AGPAT4: variants seen among roughly 807,000 people sequenced by gnomAD.
AGPAT4 encodes 1-acyl-sn-glycerol-3-phosphate acyltransferase delta.
Under a neutral mutation model 48.0 loss-of-function variants are expected in AGPAT4, and 15 were observed. That is an observed-to-expected ratio of 0.31 (90% CI 0.21 to 0.48). The LOEUF is 0.48. AGPAT4 is among the 20% of genes least tolerant of loss of function. The pLI is 0.99. For missense variants in AGPAT4, 314 were observed against 482.5 expected (o/e 0.65, Z 3.27); for synonymous variants, 178 against 198.7 (o/e 0.90, Z 0.88).
rs904767053 is a variant in AGPAT4 at position 161,133,556 on chromosome 6, C to T, written c.*2984G>A. On this transcript the variant is annotated 3_prime_UTR_variant, in exon 9 of 9. Transcript: ENST00000320285. ...GCAGAATCAGTCCAGTCCCCCAGACCTCAAGCTGCATCTTCCAAATGGTTG... is the reference window on the plus strand; with the variant it reads ...GCAGAATCAGTCCAGTCCCCCAGACTTCAAGCTGCATCTTCCAAATGGTTG... The T allele has an allele frequency of 2.0e-5, 3 of 152,180 alleles. No homozygotes were observed. The highest frequency in any genetic ancestry group is 7.2e-5 in the African/African-American group (3 of 41,440). The allele number at this position is 152,180 out of a possible 1,614,324, so 9.4% of individuals were successfully genotyped here. A position where few individuals can be genotyped will look rare whatever the true frequency, so the allele number is the denominator to read the frequency against.
rs1340978167 is a variant in AGPAT4 at position 161,134,252 on chromosome 6, G to C, written c.*2288C>G. On this transcript the variant is annotated 3_prime_UTR_variant, in exon 9 of 9. Transcript: ENST00000320285. Reference sequence around the variant, plus strand: ...TGCATTCCTCCAGCCTGGAACCCAAGGCCCTAGCAGGCAGGCTGTTTGCTT... The same window carrying C: ...TGCATTCCTCCAGCCTGGAACCCAACGCCCTAGCAGGCAGGCTGTTTGCTT... 6.6e-6 allele frequency: 1 copy of C among 152,186 alleles called. No individual in the cohort carries two copies. Among genetic ancestry groups the C allele is most frequent in the Non-Finnish European group, 1.5e-5 (1 of 68,044 alleles). 9.4% of individuals were successfully genotyped at this position (152,186 alleles called of 1,614,324 possible).
chr6:161,244,972 G>A lies in AGPAT4; in HGVS notation c.-89-12670C>T, dbSNP rs951961370. On this transcript the variant is annotated intron_variant, in intron 1 of 8. Transcript: ENST00000320285. This position sits in a 1 kb window ranked among gnomAD's most constrained non-coding sequence, Gnocchi z 4.7. ...GATAGCAACCAGAGCCAAAGGCCAC[G>A]TAGCAAAACACGTGGGCATGAGAAC... is the stretch of plus-strand genomic sequence containing the variant. Among the ~76,000 whole-genome samples, 1 of 152,198 alleles carries A rather than the reference G, an allele frequency of 6.6e-6. No homozygotes were observed. The highest frequency in any genetic ancestry group is 2.4e-5 in the African/African-American group (1 of 41,460).
chr6:161,192,142 C>CTTTTTTTTTTTTTTTTTTTT (rs573872820), intron 2 of AGPAT4, among the ~76,000 whole-genome samples: 1 of 45,612 alleles, frequency 2.2e-5, no homozygotes, highest in Admixed American at 4.0e-4. Context: ...AGAAGTTATA[C>CTTTTTTTTTTTTTTTTTTTT]TTTTTTTTTT....
chr6:161,173,864 G>A (rs1227987887), intron 2 of AGPAT4, among the ~76,000 whole-genome samples: 2 of 152,154 alleles, frequency 1.3e-5, no homozygotes, highest in Admixed American at 6.5e-5. Context: ...TTCTACATAT[G>A]GCTAGCCAGT....
At position 161,216,791 on chromosome 6, in the gene AGPAT4, C is replaced by T. The variant is rs536837411; in HGVS notation, c.178+15245G>A. Reference sequence around the variant, plus strand: ...GATAAACCCATCAGATCTCGTGAGACTTACTATCACGAGACTAGCACGAGA... The same window carrying T: ...GATAAACCCATCAGATCTCGTGAGATTTACTATCACGAGACTAGCACGAGA... On this transcript the variant is annotated intron_variant, in intron 2 of 8. Transcript: ENST00000320285. This position sits in a 1 kb window ranked among gnomAD's most constrained non-coding sequence, Gnocchi z 4.8. 6.6e-6 allele frequency among the ~76,000 whole-genome samples: 1 copy of T among 152,252 alleles called. No individual in the cohort carries two copies. Among genetic ancestry groups the T allele is most frequent in the African/African-American group, 2.4e-5 (1 of 41,546 alleles).
Position 161,197,838 on chromosome 6 carries a change from GTCA to G in AGPAT4, c.179-31424_179-31422del, listed in dbSNP as rs1781113226. On this transcript the variant is annotated intron_variant, in intron 2 of 8. Transcript: ENST00000320285. This position sits in a 1 kb window ranked among gnomAD's most constrained non-coding sequence, Gnocchi z 5.7. ...TACTTACGTGGACTCTAGAGGAAAT[GTCA>G]TCATCAATAAATACCCACTGCTGAT... Among the ~76,000 whole-genome samples, 1 of 152,192 alleles carries G rather than the reference GTCA, an allele frequency of 6.6e-6. No homozygotes were observed. Among genetic ancestry groups the G allele is most frequent in the African/African-American group, 2.4e-5 (1 of 41,448 alleles).
chr6:161,167,503 C>T (rs968702745), intron 2 of AGPAT4, among the ~76,000 whole-genome samples: 5 of 152,166 alleles, frequency 3.3e-5, no homozygotes, highest in African/African-American at 4.8e-5. Flanking sequence ...GGATTACAGG[C>T]GTGAGCCACT....
intron 2 of AGPAT4, among the ~76,000 whole-genome samples, chr6:161,227,823 T>C (rs1193769324): frequency 1.3e-5 from 2 of 152,226 alleles, no homozygotes; most frequent in East Asian, 1.9e-4. Flanking sequence ...CTCTCCTTTT[T>C]TGAGCGTTAC....
At position 161,196,196 on chromosome 6, in the gene AGPAT4, C is replaced by A. The variant is rs575718587; in HGVS notation, c.179-29779G>T. ...GGACCTAGTAAGTTAAGGCATCAGA[C>A]ACTGAGTGGTGACACTTTACCAAAG... On this transcript the variant is annotated intron_variant, in intron 2 of 8. Transcript: ENST00000320285. This position sits in a 1 kb window ranked among gnomAD's most constrained non-coding sequence, Gnocchi z 4.3. Among the ~76,000 whole-genome samples the A allele has an allele frequency of 6.6e-6, 1 of 152,310 alleles. No individual in the cohort carries two copies. Among genetic ancestry groups the A allele is most frequent in the African/African-American group, 2.4e-5 (1 of 41,574 alleles).
At chr6:161,194,202 GTAATATTTTGAATACATTATGT>G (rs1295491829) in intron 2 of AGPAT4, among the ~76,000 whole-genome samples, 1 of 152,098 alleles carries the variant, frequency 6.6e-6, no homozygotes, top group Non-Finnish European at 1.5e-5. Context: ...TTTTGAACTG[GTAATATTTTGAATACATTATGT>G]TAATCAGATA....
rs1781079010 is a variant in AGPAT4, at chr6:161,196,807, TC to T, written c.179-30391del. On this transcript the variant is annotated intron_variant, in intron 2 of 8. Transcript: ENST00000320285. This position sits in a 1 kb window ranked among gnomAD's most constrained non-coding sequence, Gnocchi z 4.3. ...CTAGGCAACAGAGAAAGACTCTATC[TC>T]CCCCCGCCAAAAAAAAAAAAAAAAT... Among the ~76,000 whole-genome samples, 1 of 102,794 alleles carries T rather than the reference TC, an allele frequency of 9.7e-6. No homozygotes were observed. The highest frequency in any genetic ancestry group is 2.0e-5 in the Non-Finnish European group (1 of 50,970). The allele number at this position is 102,794 out of a possible 152,430, so 67.4% of individuals were successfully genotyped here. A position where few individuals can be genotyped will look rare whatever the true frequency, so the allele number is the denominator to read the frequency against.
At position 161,238,838 on chromosome 6, in the gene AGPAT4, C is replaced by T. The variant is rs76439486; in HGVS notation, c.-89-6536G>A. ...TCATAAGGGGCTTTTCACCCTTTTG[C>T]TTGGTGCTTCTCCTTCCTGTCAGCA... On this transcript the variant is annotated intron_variant, in intron 1 of 8. Transcript: ENST00000320285. The surrounding 1 kb of genome is among the most constrained non-coding windows in gnomAD (Gnocchi z 5.2). Among the ~76,000 whole-genome samples the T allele has an allele frequency of 6.6e-6, 1 of 152,128 alleles. No homozygotes were observed. The highest frequency in any genetic ancestry group is 6.5e-5 in the Admixed American group (1 of 15,272).
rs1170025039 is a variant in AGPAT4 at position 161,246,512 on chromosome 6, C to T, written c.-89-14210G>A. ...GCAACCTCCGCCTCTCAAGTTCAAG[C>T]GATTCTCCTGCCTCAGCCTCCCGAG... is the stretch of plus-strand genomic sequence containing the variant. On this transcript the variant is annotated intron_variant, in intron 1 of 8. Transcript: ENST00000320285. This position sits in a 1 kb window ranked among gnomAD's most constrained non-coding sequence, Gnocchi z 5.5. Among the ~76,000 whole-genome samples the T allele has an allele frequency of 1.3e-5, 2 of 151,928 alleles. No individual in the cohort carries two copies. The highest frequency in any genetic ancestry group is 2.4e-5 in the African/African-American group (1 of 41,316).
Position 161,138,589 on chromosome 6 carries a change from A to G in AGPAT4, c.1042+833T>C, listed in dbSNP as rs1779152902. Among the ~76,000 whole-genome samples the G allele has an allele frequency of 6.6e-6, 1 of 152,078 alleles. No homozygotes were observed. On this transcript the variant is annotated intron_variant, in intron 8 of 8. Coordinates refer to ENST00000320285, the MANE Select transcript of AGPAT4 (RefSeq NM_020133.3). This position sits in a 1 kb window ranked among gnomAD's most constrained non-coding sequence, Gnocchi z 4.8. ...CACTTTCCATTTTCTGCGCTTGTCT[A>G]TTGCTTGGGCCTTTTATAGTGAGCA...
intron 2 of AGPAT4, among the ~76,000 whole-genome samples, chr6:161,199,446 T>TAC (rs371699718): frequency 1.3e-5 from 2 of 152,048 alleles, no homozygotes; most frequent in African/African-American, 2.4e-5. Flanking sequence ...GATGTGGTCA[T>TAC]ACACACACAC....
At chr6:161,150,179 AG>A (rs1281702448) in intron 5 of AGPAT4, among the ~76,000 whole-genome samples, 1 of 152,218 alleles carries the variant, frequency 6.6e-6, no homozygotes, top group Non-Finnish European at 1.5e-5. Flanking sequence ...GAACGAGTGA[AG>A]GAACAGAAGA....
intron 1 of AGPAT4, among the ~76,000 whole-genome samples, chr6:161,239,879 C>T (rs146052384): frequency 5.9e-5 from 9 of 152,226 alleles, no homozygotes; most frequent in African/African-American, 1.4e-4. Flanking sequence ...AGCTTCATAC[C>T]ACTTAATAGT....
In AGPAT4 at chr6:161,189,269, T is replaced by A. The variant is rs1780856189; in HGVS notation, c.179-22852A>T. Among the ~76,000 whole-genome samples the A allele has an allele frequency of 2.0e-5, 3 of 152,260 alleles. No individual in the cohort carries two copies. The South Asian group carries it at 6.2e-4, about 32-fold the overall frequency. ...CCCATCTGCGGACTGTCCTGCCTCC[T>A]CCCCATCTGGCTCTTGTGGTGAAGT... On this transcript the variant is annotated intron_variant, in intron 2 of 8. Coordinates refer to ENST00000320285, the MANE Select transcript of AGPAT4 (RefSeq NM_020133.3). The surrounding 1 kb of genome is among the most constrained non-coding windows in gnomAD (Gnocchi z 5.3).
Position 161,164,415 on chromosome 6 carries a change from C to T in AGPAT4, c.348+1833G>A, listed in dbSNP as rs974752515. On this transcript the variant is annotated intron_variant, in intron 3 of 8. Coordinates refer to ENST00000320285, the MANE Select transcript of AGPAT4 (RefSeq NM_020133.3). The surrounding 1 kb of genome is among the most constrained non-coding windows in gnomAD (Gnocchi z 7.4). Reference sequence around the variant, plus strand: ...GAAGGTGCGGGTGACTTGCACCCCTCGAATGAGGCCTTTGCACATCACGAG... The same window carrying T: ...GAAGGTGCGGGTGACTTGCACCCCTTGAATGAGGCCTTTGCACATCACGAG... Among the ~76,000 whole-genome samples the T allele has an allele frequency of 6.6e-6, 1 of 152,166 alleles. No homozygotes were observed.
Sources: allele counts gnomAD v4.1 joint callset (sites outside exome capture counted in the v4.1 genomes callset), GRCh38; gene constraint gnomAD v4.1.1; non-coding constraint Gnocchi (gnomAD v3.1); transcripts MANE v1.5; gene names NCBI Gene and HGNC (gene_info 2026-07-23, HGNC 2026-07-21).